The following SLC14A2 variants were observed in gnomAD, a reference collection of about 807,000 sequenced individuals.
The protein encoded by SLC14A2 is solute carrier family 14 member 2.
In SLC14A2, 91 loss-of-function variants were observed where a neutral mutation model predicts 104.6. The observed-to-expected ratio is 0.87, with a 90% CI of 0.73 to 1.04. The LOEUF is 1.04. Among genes scored for constraint, SLC14A2 ranks in the 50% least tolerant of loss-of-function variants. The pLI, the probability that SLC14A2 is intolerant of heterozygous loss-of-function variation, is 0.00. For missense variants in SLC14A2, 1,189 were observed against 1,156.0 expected (o/e 1.03, Z -0.41); for synonymous variants, 476 against 466.4 (o/e 1.02, Z -0.27).
chr18:45,335,839 A>T (rs1050652395), intron 1 of SLC14A2, among the ~76,000 whole-genome samples: 1 of 152,126 alleles, frequency 6.6e-6, no homozygotes, highest in Non-Finnish European at 1.5e-5. Flanking sequence ...TCCCTGATTC[A>T]TTGGATAAAT....
intron 4 of SLC14A2, among the ~76,000 whole-genome samples, chr18:45,628,593 A>T (rs1448312704): frequency 6.6e-6 from 1 of 152,190 alleles, no homozygotes; most frequent in Admixed American, 6.6e-5. Flanking sequence ...AAGTTTGGAA[A>T]GCACTGGATT....
chr18:45,431,901 A>C (rs965561057), intron 1 of SLC14A2, among the ~76,000 whole-genome samples: 5 of 151,976 alleles, frequency 3.3e-5, no homozygotes, highest in African/African-American at 1.2e-4. Flanking sequence ...CCTGATTAGA[A>C]CCCTTGGCCT....
chr18:45,538,331 A>C (rs1359909801), intron 2 of SLC14A2, among the ~76,000 whole-genome samples: 1 of 152,092 alleles, frequency 6.6e-6, no homozygotes, highest in East Asian at 1.9e-4. Flanking sequence ...CTACATTCCA[A>C]TGGCTTTGGG....
At chr18:45,560,004 C>G (rs1286286241) in intron 2 of SLC14A2, among the ~76,000 whole-genome samples, 1 of 152,192 alleles carries the variant, frequency 6.6e-6, no homozygotes, top group Non-Finnish European at 1.5e-5. Context: ...GCCCAAGTCC[C>G]TATTAAATGT....
chr18:45,523,302 A>G (rs935908822), intron 2 of SLC14A2, among the ~76,000 whole-genome samples: 1 of 151,176 alleles, frequency 6.6e-6, no homozygotes, highest in African/African-American at 2.4e-5. Context: ...AGCAATCTAT[A>G]CTCCCATCAC....
At chr18:45,414,139 A>G (rs888115797) in intron 1 of SLC14A2, among the ~76,000 whole-genome samples, 1 of 152,198 alleles carries the variant, frequency 6.6e-6, no homozygotes, top group Non-Finnish European at 1.5e-5. Flanking sequence ...AAATGGAGCA[A>G]GTCAGTCTTG....
intron 1 of SLC14A2, among the ~76,000 whole-genome samples, chr18:45,466,842 C>T (rs2144655926): frequency 6.6e-6 from 1 of 152,232 alleles, no homozygotes; most frequent in Non-Finnish European, 1.5e-5. Flanking sequence ...CTGATTCCTC[C>T]ATTCAGCAAA....
At chr18:45,387,332 T>A (rs946714298) in intron 1 of SLC14A2, among the ~76,000 whole-genome samples, 6 of 152,184 alleles carry the variant, frequency 3.9e-5, no homozygotes, top group African/African-American at 1.2e-4. Flanking sequence ...ATTAATTCTA[T>A]GCCCTGCCCC....
At chr18:45,178,870 AATATTTTTGAG>A in the SLC14A2 span, among the ~76,000 whole-genome samples, 1 of 152,204 alleles carries the variant, frequency 6.6e-6, no homozygotes, top group Non-Finnish European at 1.5e-5. Context: ...TACTTAATAA[AATATTTTTGAG>A]CTGAAGAAAA....
At chr18:45,301,496 C>T (rs1312069648) in intron 1 of SLC14A2, among the ~76,000 whole-genome samples, 1 of 152,282 alleles carries the variant, frequency 6.6e-6, no homozygotes, top group African/African-American at 2.4e-5. Flanking sequence ...TGTCCTGAGG[C>T]CCCACCTCTC....
intron 1 of SLC14A2, among the ~76,000 whole-genome samples, chr18:45,280,305 G>A (rs777137739): frequency 4.6e-5 from 7 of 152,194 alleles, no homozygotes; most frequent in Non-Finnish European, 8.8e-5. Context: ...TCTGGGCATG[G>A]TGGGAGGAAA....
intron 1 of SLC14A2, among the ~76,000 whole-genome samples, chr18:45,303,515 G>A (rs897311208): frequency 6.6e-6 from 1 of 152,220 alleles, no homozygotes; most frequent in African/African-American, 2.4e-5. Flanking sequence ...GCCTCATGTG[G>A]ACATTGCTGG....
chr18:45,674,713 A>T (rs967015779), intron 18 of SLC14A2, among the ~76,000 whole-genome samples: 2 of 152,176 alleles, frequency 1.3e-5, no homozygotes, highest in Non-Finnish European at 2.9e-5. Flanking sequence ...CTACCTTAAC[A>T]CTAATTCTCA....
intron 2 of SLC14A2, among the ~76,000 whole-genome samples, chr18:45,550,479 C>T (rs549318768): frequency 6.6e-6 from 1 of 152,338 alleles, no homozygotes; most frequent in East Asian, 1.9e-4. Context: ...CTCCACTAGA[C>T]TGTGAGCTCT....
intron 1 of SLC14A2, among the ~76,000 whole-genome samples, chr18:45,366,198 C>G (rs978962999): frequency 6.6e-6 from 1 of 152,128 alleles, no homozygotes; most frequent in African/African-American, 2.4e-5. Context: ...ACTTCCTCAG[C>G]GGAATCCTCT....
intron 2 of SLC14A2, among the ~76,000 whole-genome samples, chr18:45,521,458 C>T (rs1216876244): frequency 6.6e-6 from 1 of 151,666 alleles, no homozygotes; most frequent in African/African-American, 2.4e-5. Flanking sequence ...AGCTCAGGGA[C>T]CAGAGAGAGT....
At chr18:45,668,952 G>A (rs1472894906) in intron 15 of SLC14A2, among the ~76,000 whole-genome samples, 1 of 151,856 alleles carries the variant, frequency 6.6e-6, no homozygotes, top group Non-Finnish European at 1.5e-5. Context: ...GGGCACCCTG[G>A]CCACAAAGCC....
intron 1 of SLC14A2, among the ~76,000 whole-genome samples, chr18:45,308,117 G>A (rs1027966914): frequency 6.6e-6 from 1 of 152,094 alleles, no homozygotes; most frequent in Non-Finnish European, 1.5e-5. Flanking sequence ...ATTCATGAGG[G>A]ATCTGCCCCC....
upstream of SLC14A2, among the ~76,000 whole-genome samples, chr18:45,208,897 G>T (rs2083937180): frequency 6.6e-6 from 1 of 151,606 alleles, no homozygotes; most frequent in Non-Finnish European, 1.5e-5. Context: ...CCAGTAAAAA[G>T]AAATTATTAT....
Sources: gnomAD v4.1 joint callset for allele counts (sites outside exome capture counted in the v4.1 genomes callset) on GRCh38, gnomAD v4.1.1 for gene constraint, MANE v1.5 for transcripts, NCBI Gene and HGNC (gene_info 2026-07-23, HGNC 2026-07-21) for gene names.